TNRC6A: variants seen among roughly 807,000 people sequenced by gnomAD.
TNRC6A encodes trinucleotide repeat-containing gene 6A protein.
Under a neutral mutation model 221.2 loss-of-function variants are expected in TNRC6A, and 44 were observed. The ratio of observed to expected loss-of-function variants is 0.20; its 90% CI spans 0.16 to 0.26. TNRC6A has a LOEUF of 0.26. TNRC6A is among the 10% of genes least tolerant of loss of function. The pLI is 1.00. For synonymous variants in TNRC6A, 847 were observed against 838.5 expected (o/e 1.01, Z -0.18); for missense variants, 2,199 against 2,404.4 (o/e 0.91, Z 1.79).
At chr16:24,816,557 GTA>G (rs1009937208) in intron 19 of TNRC6A, 3 of 406,230 alleles carry the variant, frequency 7.4e-6, no homozygotes, top group Non-Finnish European at 1.3e-5. Context: ...GTACGTATGT[GTA>G]TATGTTACGT....
chr16:24,788,303 G>A (rs1438984254), intron 5 of TNRC6A, among the ~76,000 whole-genome samples: 2 of 152,048 alleles, frequency 1.3e-5, no homozygotes, highest in Non-Finnish European at 2.9e-5. Context: ...TGGTTAGGAA[G>A]GTAAATTAAG....
At chr16:24,662,930 A>C (rs1043070138) in intron 2 of TNRC6A, 1 of 153,782 alleles carries the variant, frequency 6.5e-6, no homozygotes, top group African/African-American at 2.4e-5. Context: ...CAAACGTGTA[A>C]TAAGCTGGAG....
intron 18 of TNRC6A, among the ~76,000 whole-genome samples, chr16:24,814,398 C>T (rs371946851): frequency 8.0e-4 from 64 of 80,286 alleles, no homozygotes; most frequent in Non-Finnish European, 1.3e-3. Flanking sequence ...TTTTTCTTTT[C>T]TTTTTTTTTT....
chr16:24,698,635 C>T (rs1036519440), intron 2 of TNRC6A, among the ~76,000 whole-genome samples: 3 of 152,178 alleles, frequency 2.0e-5, no homozygotes, highest in Non-Finnish European at 4.4e-5. Context: ...ATGCCAGAGC[C>T]AAGATGGAAA....
chr16:24,738,189 A>C (rs568052086), intron 2 of TNRC6A, among the ~76,000 whole-genome samples: 1 of 152,164 alleles, frequency 6.6e-6, no homozygotes, highest in Non-Finnish European at 1.5e-5. Context: ...CAGCTTATCA[A>C]TTTAGCACTG....
intron 2 of TNRC6A, among the ~76,000 whole-genome samples, chr16:24,703,454 T>C (rs2056029253): frequency 6.6e-6 from 1 of 152,158 alleles, no homozygotes; most frequent in South Asian, 2.1e-4. Context: ...GTAGTGCACA[T>C]CTGTAGTCTG....
At chr16:24,710,726 C>CT (rs924997875) in intron 2 of TNRC6A, among the ~76,000 whole-genome samples, 87 of 145,436 alleles carry the variant, frequency 6.0e-4, no homozygotes, top group East Asian at 2.4e-3. Context: ...TCTCATCAAA[C>CT]TTTTTTTTTT....
At chr16:24,625,737 CAAAAAA>C (rs749882396) in intron 1 of TNRC6A, among the ~76,000 whole-genome samples, 6 of 24,034 alleles carry the variant, frequency 2.5e-4, no homozygotes, top group Admixed American at 5.3e-4. Flanking sequence ...CGTCTCAAAA[CAAAAAA>C]AAAAAAAAAA....
intron 1 of TNRC6A, among the ~76,000 whole-genome samples, chr16:24,613,222 A>T (rs1417915654): frequency 2.0e-5 from 3 of 149,754 alleles, no homozygotes; most frequent in Non-Finnish European, 3.0e-5. Context: ...CTCTCTGATG[A>T]TGCAATTTTT....
At chr16:24,645,425 G>T (rs1902220815) in intron 2 of TNRC6A, among the ~76,000 whole-genome samples, 1 of 151,870 alleles carries the variant, frequency 6.6e-6, no homozygotes. Context: ...GGGAGGCAGA[G>T]GTTGCAGTGA....
chr16:24,636,492 T>G (rs1901641939), intron 1 of TNRC6A, among the ~76,000 whole-genome samples: 1 of 151,680 alleles, frequency 6.6e-6, no homozygotes, highest in Non-Finnish European at 1.5e-5. Context: ...CATCTTATGC[T>G]CTCGAGTATT....
intron 1 of TNRC6A, among the ~76,000 whole-genome samples, chr16:24,624,309 A>G (rs1456078598): frequency 6.6e-6 from 1 of 152,194 alleles, no homozygotes; most frequent in Non-Finnish European, 1.5e-5. Flanking sequence ...TGGCCATCTC[A>G]GAGCAAAAGT....
chr16:24,739,200 G>A (rs2056838038), intron 2 of TNRC6A, among the ~76,000 whole-genome samples: 1 of 152,094 alleles, frequency 6.6e-6, no homozygotes, highest in Non-Finnish European at 1.5e-5. Context: ...TAGGGTTCTT[G>A]TTTCTGATTT....
intron 2 of TNRC6A, among the ~76,000 whole-genome samples, chr16:24,698,999 A>G (rs1297675656): frequency 2.0e-5 from 3 of 151,722 alleles, no homozygotes; most frequent in Non-Finnish European, 4.4e-5. Context: ...GTGTGCCAAC[A>G]CTCCTGGCCC....
intron 2 of TNRC6A, among the ~76,000 whole-genome samples, chr16:24,721,367 G>A (rs1021860891): frequency 6.6e-6 from 1 of 152,040 alleles, no homozygotes; most frequent in African/African-American, 2.4e-5. Flanking sequence ...CAACCCAAAT[G>A]TCAATTAACA....
intron 1 of TNRC6A, among the ~76,000 whole-genome samples, chr16:24,622,533 G>T (rs773810683): frequency 1.3e-5 from 2 of 152,164 alleles, no homozygotes; most frequent in Non-Finnish European, 2.9e-5. Context: ...GGCAGAGGTT[G>T]CAGTGAGCCG....
At position 24,649,572 on chromosome 16, in the gene TNRC6A, G is replaced by A. The variant is rs543795996; in HGVS notation, n.402+8563G>A. On this transcript the variant is annotated intron_variant and non_coding_transcript_variant, in intron 2 of 2. Transcript: ENST00000566108. ...AATCCTCCCACCTCTGCCTCTCAAAGTGCTGGGATTACAGGCATGAGCCAC... is the reference window on the plus strand; with the variant it reads ...AATCCTCCCACCTCTGCCTCTCAAAATGCTGGGATTACAGGCATGAGCCAC... Among the ~76,000 whole-genome samples, 3 of 152,156 alleles carry A rather than the reference G, an allele frequency of 2.0e-5. No homozygotes were observed. In the South Asian group the frequency reaches 6.2e-4, roughly 32 times the overall value.
Position 24,791,092 on chromosome 16 carries a change from A to G in TNRC6A, c.2450A>G (p.Asn817Ser), listed in dbSNP as rs202081412. The G allele has an allele frequency of 5.1e-5, 82 of 1,612,808 alleles. No homozygotes were observed. The Admixed American group carries it at 1.3e-3, about 25-fold the overall frequency. ...GCTGCTACAGGAATGGTCAAGAGCA[A>G]TCAGTGGGGGAATTGCAAAGAGGAG... ...DSAATGMVKS[N>S]QWGNCKEEKA... The change falls in exon 6 of 25, where the codon AAT becomes AGT. Residue 817 changes from asparagine (N) to serine (S), a missense_variant. Transcript: ENST00000395799.
In TNRC6A at chr16:24,789,968, A is replaced by G. The variant is rs754333365; in HGVS notation, c.1326A>G (p.Gln442=). 2.6e-5 allele frequency: 42 copies of G among 1,614,036 alleles called. No homozygotes were observed. Among genetic ancestry groups the G allele is most frequent in the Middle Eastern group, 3.3e-4 (2 of 6,084 alleles). The change falls in exon 6 of 25, where the codon CAA becomes CAG. Residue 442 remains glutamine, a synonymous_variant. Transcript: ENST00000395799. ...SGTQKVSFSG[Q]PQNITTEMTG... Reference sequence around the variant, plus strand: ...CACAGAAGGTTTCATTCAGTGGTCAACCTCAAAATATTACCACTGAAATGA... The same window carrying G: ...CACAGAAGGTTTCATTCAGTGGTCAGCCTCAAAATATTACCACTGAAATGA...
Sources: allele counts gnomAD v4.1 joint callset (sites outside exome capture counted in the v4.1 genomes callset), GRCh38; gene constraint gnomAD v4.1.1; transcripts MANE v1.5; gene names NCBI Gene and HGNC (gene_info 2026-07-23, HGNC 2026-07-21).